PRIM2: variants seen among roughly 807,000 people sequenced by gnomAD.
The protein encoded by PRIM2 is DNA primase large subunit.
PRIM2 carries 39 observed loss-of-function variants against 67.3 expected under a neutral mutation model. The ratio of observed to expected loss-of-function variants is 0.58; its 90% CI spans 0.45 to 0.76. PRIM2 has a LOEUF of 0.76. PRIM2 is among the 30% of genes least tolerant of loss of function. PRIM2 has a pLI of 0.00. For missense variants in PRIM2, 398 were observed against 598.7 expected, an observed-to-expected ratio of 0.66 and a Z score of 3.50; for synonymous variants, 143 against 198.7, an observed-to-expected ratio of 0.72 and a Z score of 2.36.
intron 10 of PRIM2, among the ~76,000 whole-genome samples, chr6:57,587,387 G>A (rs1332240830): frequency 1.3e-5 from 2 of 152,210 alleles, no homozygotes; most frequent in Admixed American, 6.5e-5. Flanking sequence ...GAACACAGCC[G>A]AGAGCGGTGG....
chr6:57,267,004 G>A, the PRIM2 span, among the ~76,000 whole-genome samples: 2 of 152,198 alleles, frequency 1.3e-5, no homozygotes, highest in South Asian at 4.1e-4. Context: ...AAGATGTGAC[G>A]TGGGAAGTCA....
At chr6:57,349,350 TTATTCCCG>T (rs1768785540) in intron 5 of PRIM2, among the ~76,000 whole-genome samples, 1 of 150,882 alleles carries the variant, frequency 6.6e-6, no homozygotes, top group Non-Finnish European at 1.5e-5. Flanking sequence ...GGTAGGTGGG[TTATTCCCG>T]ATGTTTTTGC....
At chr6:57,262,572 G>C in the PRIM2 span, among the ~76,000 whole-genome samples, 1 of 152,032 alleles carries the variant, frequency 6.6e-6, no homozygotes, top group Non-Finnish European at 1.5e-5. Context: ...AACTTTTCCA[G>C]GGTCACTGTC....
chr6:57,504,873 A>G (rs1362050856), intron 7 of PRIM2, among the ~76,000 whole-genome samples: 1 of 152,196 alleles, frequency 6.6e-6, no homozygotes, highest in Admixed American at 6.6e-5. Context: ...AGTTTTGCTC[A>G]AAGCAGGAAT....
Position 57,505,323 on chromosome 6 carries a change from C to G in PRIM2, c.694-2064C>G, listed in dbSNP as rs1184508414. 5.9e-5 allele frequency: 9 copies of G among 152,194 alleles called. 1 individual carries two copies. The East Asian group carries it at 1.7e-3, about 29-fold the overall frequency. 9.4% of individuals were successfully genotyped at this position (152,194 alleles called of 1,614,324 possible). ...ATCATTCTTGCCAGAGATTCAATCT[C>G]GAAAGTAAGTTGGAGGTGGGAAGGG... On this transcript the variant is annotated intron_variant, in intron 7 of 13. Transcript: ENST00000615550.
chr6:57,281,609 C>T, the PRIM2 span, among the ~76,000 whole-genome samples: 1 of 152,052 alleles, frequency 6.6e-6, no homozygotes, highest in Non-Finnish European at 1.5e-5. Flanking sequence ...ACCTGAAACC[C>T]AACTGTACTT....
intron 10 of PRIM2, among the ~76,000 whole-genome samples, chr6:57,551,103 A>G (rs1293961143): frequency 4.6e-5 from 7 of 152,160 alleles, no homozygotes; most frequent in Admixed American, 3.9e-4. Context: ...CTTCTATGTA[A>G]AGTAGGATTT....
At chr6:57,438,317 G>T (rs1382360481) in intron 7 of PRIM2, among the ~76,000 whole-genome samples, 4 of 152,108 alleles carry the variant, frequency 2.6e-5, no homozygotes, top group Admixed American at 2.6e-4. Flanking sequence ...GTTACTGTTT[G>T]TGGCTGGGTT....
intron 10 of PRIM2, among the ~76,000 whole-genome samples, chr6:57,572,048 T>C (rs1467576612): frequency 2.0e-5 from 3 of 152,230 alleles, no homozygotes; most frequent in Non-Finnish European, 4.4e-5. Context: ...TCATGAATAT[T>C]TTGTATCTCC....
At chr6:57,417,027 C>T (rs561895402) in intron 7 of PRIM2, among the ~76,000 whole-genome samples, 20 of 150,800 alleles carry the variant, frequency 1.3e-4, no homozygotes, top group African/African-American at 4.6e-4. Context: ...AGTGCAATGG[C>T]GCATTTTCAG....
intron 5 of PRIM2, among the ~76,000 whole-genome samples, chr6:57,367,296 C>T (rs1769391782): frequency 6.6e-6 from 1 of 151,990 alleles, no homozygotes; most frequent in Non-Finnish European, 1.5e-5. Flanking sequence ...CTATTTTTGT[C>T]TCTTTGTTAA....
chr6:57,354,147 G>A (rs1768948127), intron 5 of PRIM2, among the ~76,000 whole-genome samples: 1 of 152,050 alleles, frequency 6.6e-6, no homozygotes, highest in Non-Finnish European at 1.5e-5. Flanking sequence ...ATGAACCTTG[G>A]CTTTAGCAGT....
chr6:57,311,127 A>G (rs1348614150), upstream of PRIM2, among the ~76,000 whole-genome samples: 76 of 116,484 alleles, frequency 6.5e-4, no homozygotes, highest in African/African-American at 2.3e-3. Context: ...CTCACCTCCC[A>G]GACGGGGCGG....
chr6:57,439,342 T>TTG (rs10624623), intron 7 of PRIM2, among the ~76,000 whole-genome samples: 60,468 of 149,056 alleles, frequency 0.41, 13,127 homozygotes, highest in South Asian at 0.57. Context: ...TTGAATTATT[T>TTG]TACTACCTTT....
intron 7 of PRIM2, 187 bp downstream of exon 7, chr6:57,382,355 T>C (rs1375186753): frequency 4.8e-5 from 31 of 641,208 alleles, no homozygotes; most frequent in Non-Finnish European, 7.1e-5. Flanking sequence ...TATCCATAGT[T>C]GGTTTTTAAG....
At chr6:57,628,807 A>G (rs1202932874) in intron 12 of PRIM2, among the ~76,000 whole-genome samples, 2 of 152,174 alleles carry the variant, frequency 1.3e-5, no homozygotes, top group African/African-American at 4.8e-5. Context: ...GTTGCCATAA[A>G]GGACATGATT....
intron 13 of PRIM2, among the ~76,000 whole-genome samples, chr6:57,641,808 G>A (rs1777241353): frequency 6.6e-6 from 1 of 152,204 alleles, no homozygotes; most frequent in Admixed American, 6.5e-5. Context: ...TTCAACCATT[G>A]TGGAAGACAG....
Position 57,434,271 on chromosome 6 carries a change from G to A in PRIM2, c.693+52103G>A, listed in dbSNP as rs546920234. ...AAAATGTACAAGGTCTACTTCATAG[G>A]GTGGTTGGGTTAACACATGTAAAGC... On this transcript the variant is annotated intron_variant, in intron 7 of 13. Transcript: ENST00000615550. 3.3e-5 allele frequency among the ~76,000 whole-genome samples: 5 copies of A among 152,054 alleles called. 1 individual carries two copies. The South Asian group carries it at 1.0e-3, about 32-fold the overall frequency.
intron 7 of PRIM2, among the ~76,000 whole-genome samples, chr6:57,444,566 CA>C (rs66824143): frequency 0.35 from 37,117 of 104,866 alleles, 5,121 homozygotes; most frequent in African/African-American, 0.48. Context: ...GATTCCATCT[CA>C]AAAAAAAAAA....
Sources: gnomAD v4.1 joint callset for allele counts (sites outside exome capture counted in the v4.1 genomes callset) on GRCh38, gnomAD v4.1.1 for gene constraint, MANE v1.5 for transcripts, NCBI Gene and HGNC (gene_info 2026-07-23, HGNC 2026-07-21) for gene names.